Variants in ERICH3 observed in about 807,000 individuals in gnomAD.
The protein encoded by ERICH3 is glutamate-rich protein 3.
Under a neutral mutation model 131.1 loss-of-function variants are expected in ERICH3, and 126 were observed. The observed-to-expected ratio is 0.96, with a 90% CI of 0.83 to 1.11. The LOEUF is 1.11. Among genes scored for constraint, ERICH3 ranks in the 50% most tolerant of loss-of-function variants. The pLI is 0.00. For missense variants in ERICH3, 2,050 were observed against 1,810.7 expected (o/e 1.13, Z -2.40); for synonymous variants, 695 against 644.6 (o/e 1.08, Z -1.18).
chr1:74,607,550 A>C (rs1648462296), intron 9 of ERICH3, among the ~76,000 whole-genome samples: 1 of 151,968 alleles, frequency 6.6e-6, no homozygotes, highest in South Asian at 2.1e-4. Flanking sequence ...TTATTTTCAT[A>C]GAACTGTCAT....
chr1:74,642,889 T>C, intron 4 of ERICH3, 138 bp downstream of exon 4: 9 of 615,344 alleles, frequency 1.5e-5, no homozygotes, highest in Non-Finnish European at 2.2e-5. Flanking sequence ...AGATTTAGGC[T>C]TGGTGAACCA....
intron 11 of ERICH3, among the ~76,000 whole-genome samples, chr1:74,596,078 A>C (rs753125557): frequency 7.9e-5 from 12 of 152,122 alleles, no homozygotes; most frequent in Non-Finnish European, 1.5e-4. Flanking sequence ...GAGATTCTTA[A>C]AATCATAAAT....
intron 10 of ERICH3, among the ~76,000 whole-genome samples, chr1:74,600,947 A>G (rs968319518): frequency 6.6e-6 from 1 of 151,736 alleles, no homozygotes; most frequent in Non-Finnish European, 1.5e-5. Flanking sequence ...AGAGCTGTCC[A>G]CCCAGTGAAA....
At chr1:74,612,918 G>GC in intron 8 of ERICH3, 109 bp from the exon 9 acceptor site, 1 of 952,368 alleles carries the variant, frequency 1.1e-6, no homozygotes, top group South Asian at 2.6e-5. Flanking sequence ...TAGATCAGGG[G>GC]TGTCCAATCT....
Position 74,589,901 on chromosome 1 carries a change from T to C in ERICH3, c.1906A>G (p.Ile636Val), listed in dbSNP as rs17095653. 2.9e-3 allele frequency: 4,739 copies of C among 1,614,036 alleles called. 133 individuals carry two copies. The African/African-American group carries it at 0.054, about 18-fold the overall frequency. ...NDKPRKSHLP[I>V]EESLEIEIED... The stretch of plus-strand genomic sequence containing the variant: ...ATTTCAATTTCTAAGGATTCCTCAA[T>C]TGGAAGGTGAGACTTTCTTGGCTTA... The change falls in exon 12 of 15, where the codon ATT becomes GTT. Residue 636 changes from isoleucine to valine, a missense_variant. Ile to Val is a conservative substitution (Grantham distance 29, BLOSUM62 3). Coordinates refer to ENST00000326665, the MANE Select transcript of ERICH3 (RefSeq NM_001002912.5).
At chr1:74,659,367 C>G (rs1416702650) in intron 1 of ERICH3, among the ~76,000 whole-genome samples, 2 of 152,120 alleles carry the variant, frequency 1.3e-5, no homozygotes, top group East Asian at 3.9e-4. Flanking sequence ...CACACATGCA[C>G]AGTTCCAAAA....
At chr1:74,658,464 G>A (rs1198451645) in intron 1 of ERICH3, among the ~76,000 whole-genome samples, 2 of 152,128 alleles carry the variant, frequency 1.3e-5, no homozygotes, top group Non-Finnish European at 2.9e-5. Flanking sequence ...GAACTCTGTA[G>A]TAAGTAGTGC....
intron 13 of ERICH3, among the ~76,000 whole-genome samples, chr1:74,575,368 C>T (rs1330705216): frequency 1.3e-5 from 2 of 152,232 alleles, no homozygotes; most frequent in African/African-American, 4.8e-5. Context: ...ATCAATAGGG[C>T]TGAGGTTGAC....
chr1:74,605,244 G>T (rs1166679307), intron 10 of ERICH3, among the ~76,000 whole-genome samples: 1 of 151,888 alleles, frequency 6.6e-6, no homozygotes, highest in Non-Finnish European at 1.5e-5. Context: ...AAGAGAATTA[G>T]GGCCTTGCTC....
Position 74,593,902 on chromosome 1 carries a change from C to T in ERICH3, c.1727-3822G>A, listed in dbSNP as rs547253676. On this transcript the variant is annotated intron_variant, in intron 11 of 14. Transcript: ENST00000326665. ...TTCTATTTGCTAAAAGGCCTTCAGA[C>T]AGGAAGTACCCACAGCCATGGACCC... 3.9e-5 allele frequency among the ~76,000 whole-genome samples: 6 copies of T among 152,248 alleles called. No homozygotes were observed. The East Asian group carries it at 7.7e-4, about 20-fold the overall frequency.
chr1:74,660,118 C>T (rs1267736131), intron 1 of ERICH3, among the ~76,000 whole-genome samples: 1 of 152,108 alleles, frequency 6.6e-6, no homozygotes, highest in Non-Finnish European at 1.5e-5. Flanking sequence ...AGTGAATTCT[C>T]ATGAGATCTG....
chr1:74,573,434 G>A lies in ERICH3; in HGVS notation c.2276C>T (p.Ser759Phe), dbSNP rs183020883. The part of the protein sequence containing the change: ...ETAAINSNKE[S>F]QQLVQKTYTL... ...ATACGTTTTTTGCACCAATTGCTGGGATTCCTTGTTTGAGTTGATTGCTGC... is the reference window on the plus strand; with the variant it reads ...ATACGTTTTTTGCACCAATTGCTGGAATTCCTTGTTTGAGTTGATTGCTGC... Residue 759 changes from serine (S) to phenylalanine (F), a missense_variant, in exon 14 of 15, where the codon TCC becomes TTC. Coordinates refer to ENST00000326665, the MANE Select transcript of ERICH3 (RefSeq NM_001002912.5). 2 of 1,562,276 alleles carry A rather than the reference G, an allele frequency of 1.3e-6. No individual in the cohort carries two copies. Among genetic ancestry groups the A allele is most frequent in the African/African-American group, 1.4e-5 (1 of 72,358 alleles).
chr1:74,574,111 C>CTCT (rs1195264681), intron 13 of ERICH3, among the ~76,000 whole-genome samples: 1 of 151,614 alleles, frequency 6.6e-6, no homozygotes, highest in East Asian at 1.9e-4. Context: ...CTGCCTCAGC[C>CTCT]TCTTGGGTAG....
chr1:74,597,297 A>G (rs1647899362), intron 11 of ERICH3, among the ~76,000 whole-genome samples: 1 of 152,072 alleles, frequency 6.6e-6, no homozygotes, highest in Non-Finnish European at 1.5e-5. Context: ...GGAAAATAAG[A>G]AAGTCTGACG....
intron 1 of ERICH3, among the ~76,000 whole-genome samples, chr1:74,662,279 T>G (rs780392766): frequency 3.9e-5 from 6 of 152,134 alleles, no homozygotes; most frequent in Admixed American, 3.3e-4. Flanking sequence ...CTCCCTAAGG[T>G]TTTATTCTGG....
intron 1 of ERICH3, among the ~76,000 whole-genome samples, chr1:74,652,535 ACTTTT>A (rs1016948906): frequency 1.4e-5 from 2 of 145,330 alleles, no homozygotes; most frequent in Non-Finnish European, 1.5e-5. Flanking sequence ...TACTCCCTTC[ACTTTT>A]CTTTTCTTTT....
intron 9 of ERICH3, among the ~76,000 whole-genome samples, chr1:74,608,120 C>A (rs1000649097): frequency 2.6e-5 from 4 of 151,940 alleles, no homozygotes; most frequent in African/African-American, 9.7e-5. Context: ...TAGTCTATTA[C>A]AGGTGTAGGC....
intron 11 of ERICH3, among the ~76,000 whole-genome samples, chr1:74,597,323 A>G (rs923192128): frequency 1.3e-5 from 2 of 152,052 alleles, no homozygotes; most frequent in African/African-American, 4.8e-5. Flanking sequence ...GTAAAAAAAA[A>G]CCATAATCAG....
chr1:74,609,894 T>C (rs1028852338), intron 9 of ERICH3, among the ~76,000 whole-genome samples: 8 of 152,016 alleles, frequency 5.3e-5, no homozygotes, highest in African/African-American at 1.7e-4. Context: ...ATAGAAATAA[T>C]TGTACAGAGG....
Sources: gnomAD v4.1 joint callset for allele counts (sites outside exome capture counted in the v4.1 genomes callset) on GRCh38, gnomAD v4.1.1 for gene constraint, MANE v1.5 for transcripts, NCBI Gene and HGNC (gene_info 2026-07-23, HGNC 2026-07-21) for gene names.